OSBPL10: variants seen among roughly 807,000 people sequenced by gnomAD.
OSBPL10 encodes oxysterol binding protein like 10.
Under a neutral mutation model 81.7 loss-of-function variants are expected in OSBPL10, and 49 were observed. The observed-to-expected ratio is 0.60, with a 90% CI of 0.48 to 0.76. The LOEUF (loss-of-function observed/expected upper bound fraction) is 0.76, where lower values mean the gene tolerates loss of function less well. Among genes scored for constraint, OSBPL10 ranks in the 30% least tolerant of loss-of-function variants. OSBPL10 has a pLI of 0.00. For missense variants in OSBPL10, 923 were observed against 987.8 expected, an observed-to-expected ratio of 0.93 and a Z score of 0.88; for synonymous variants, 419 against 383.6, an observed-to-expected ratio of 1.09 and a Z score of -1.08.
chr3:31,800,021 TTAAA>T (rs1048919457), intron 4 of OSBPL10, among the ~76,000 whole-genome samples: 35 of 152,358 alleles, frequency 2.3e-4, no homozygotes, highest in Admixed American at 1.6e-3. Flanking sequence ...AAGTGCATTT[TTAAA>T]TAACCTCTGC....
chr3:31,912,593 A>T (rs1696614682), intron 1 of OSBPL10, among the ~76,000 whole-genome samples: 1 of 152,146 alleles, frequency 6.6e-6, no homozygotes, highest in Non-Finnish European at 1.5e-5. Flanking sequence ...AATCAACTTC[A>T]TCATCAACAT....
rs79539499 is a variant in OSBPL10, at chr3:31,992,237, T to C, written n.298+54254A>G. On this transcript the variant is annotated intron_variant and non_coding_transcript_variant, in intron 2 of 3. Coordinates refer to the OSBPL10 transcript ENST00000479173. ...AACAGAATAAATAATCTAGAAATAG[T>C]TTCATATGAATATAGTCACTTGATT... is the stretch of plus-strand genomic sequence containing the variant. 8.1e-3 allele frequency among the ~76,000 whole-genome samples: 1,239 copies of C among 152,198 alleles called. 48 individuals carry two copies. In the East Asian group the frequency reaches 0.15, roughly 18 times the overall value.
intron 1 of OSBPL10, among the ~76,000 whole-genome samples, chr3:31,902,909 C>T (rs1271542500): frequency 2.0e-5 from 3 of 152,096 alleles, no homozygotes; most frequent in Non-Finnish European, 4.4e-5. Flanking sequence ...GAGTCTGATT[C>T]CAAAGAGAGC....
At chr3:31,777,489 A>G (rs1319891196) in intron 4 of OSBPL10, among the ~76,000 whole-genome samples, 1 of 152,244 alleles carries the variant, frequency 6.6e-6, no homozygotes, top group Middle Eastern at 3.2e-3. Context: ...ACTGGGTTCA[A>G]GATGGCAGAC....
At chr3:31,861,806 G>C (rs1213874237) in intron 3 of OSBPL10, among the ~76,000 whole-genome samples, 1 of 152,148 alleles carries the variant, frequency 6.6e-6, no homozygotes, top group East Asian at 1.9e-4. Flanking sequence ...CATCACCTCG[G>C]GTGACTCAGT....
chr3:31,883,570 C>G (rs2125644972), intron 1 of OSBPL10, among the ~76,000 whole-genome samples: 1 of 142,766 alleles, frequency 7.0e-6, no homozygotes, highest in East Asian at 2.1e-4. Flanking sequence ...GAGTCTTGCT[C>G]TGTTAGGCAG....
At chr3:31,817,114 A>G (rs1450537703) in intron 4 of OSBPL10, among the ~76,000 whole-genome samples, 3 of 152,110 alleles carry the variant, frequency 2.0e-5, no homozygotes, top group Admixed American at 6.5e-5. Flanking sequence ...CAACTGGTCC[A>G]TGGGTGGCCA....
intron 1 of OSBPL10, among the ~76,000 whole-genome samples, chr3:31,965,820 TTATA>T (rs1698367649): frequency 1.6e-5 from 1 of 62,354 alleles, no homozygotes; most frequent in African/African-American, 1.5e-4. Flanking sequence ...ATAATATATA[TTATA>T]TAAATATATA....
intron 8 of OSBPL10, among the ~76,000 whole-genome samples, chr3:31,676,998 TAC>T (rs1395867748): frequency 6.6e-6 from 1 of 152,126 alleles, no homozygotes; most frequent in Non-Finnish European, 1.5e-5. Flanking sequence ...AGCATTTCAT[TAC>T]AGTCAAATAT....
intron 1 of OSBPL10, chr3:31,960,259 C>G (rs1380073212): frequency 6.6e-6 from 1 of 152,150 alleles, no homozygotes; most frequent in Non-Finnish European, 1.5e-5. Context: ...CATCCCTGGG[C>G]CCCTGGGTGC....
At chr3:31,830,364 A>G (rs1700210870) in intron 3 of OSBPL10, 133 bp from the exon 4 acceptor site, 3 of 888,700 alleles carry the variant, frequency 3.4e-6, no homozygotes, top group East Asian at 2.7e-5. Context: ...TGAAGGAGGT[A>G]TAACAACACT....
intron 1 of OSBPL10, among the ~76,000 whole-genome samples, chr3:31,915,219 A>G (rs540309164): frequency 6.6e-6 from 1 of 151,932 alleles, no homozygotes; most frequent in African/African-American, 2.4e-5. Flanking sequence ...AACCATTACC[A>G]TGAATAAAAT....
At chr3:31,782,736 A>C (rs1341769989) in intron 4 of OSBPL10, among the ~76,000 whole-genome samples, 1 of 152,232 alleles carries the variant, frequency 6.6e-6, no homozygotes, top group Non-Finnish European at 1.5e-5. Flanking sequence ...AATAACAATG[A>C]GATACCACCT....
chr3:31,908,033 A>G (rs1051254576), intron 1 of OSBPL10, among the ~76,000 whole-genome samples: 5 of 152,198 alleles, frequency 3.3e-5, no homozygotes, highest in African/African-American at 1.2e-4. Flanking sequence ...GACTCTGAGC[A>G]AAGACTGGAA....
chr3:31,961,050 T>A (rs1308639591), intron 1 of OSBPL10, among the ~76,000 whole-genome samples: 9 of 10,366 alleles, frequency 8.7e-4, no homozygotes, highest in Non-Finnish European at 1.3e-3. Context: ...CTACAGCCTT[T>A]TTTTTTTTTT....
At chr3:32,038,124 T>G (rs1450205230) in intron 2 of OSBPL10, among the ~76,000 whole-genome samples, 1 of 152,082 alleles carries the variant, frequency 6.6e-6, no homozygotes, top group African/African-American at 2.4e-5. Flanking sequence ...GGAAGCTACA[T>G]GAGTCCAGGG....
chr3:31,678,782 CTGTGTG>C (rs67616509), intron 8 of OSBPL10, among the ~76,000 whole-genome samples: 3,985 of 135,590 alleles, frequency 0.029, 138 homozygotes, highest in African/African-American at 0.067. Flanking sequence ...CAGATTCAAA[CTGTGTG>C]TGTGTGTGTG....
intron 1 of OSBPL10, among the ~76,000 whole-genome samples, chr3:31,896,442 T>C (rs1253011739): frequency 6.6e-6 from 1 of 152,224 alleles, no homozygotes; most frequent in Non-Finnish European, 1.5e-5. Flanking sequence ...CTTCCAACTC[T>C]GGACAATGTG....
At chr3:32,011,827 T>A (rs1277418904) in intron 2 of OSBPL10, among the ~76,000 whole-genome samples, 4 of 152,034 alleles carry the variant, frequency 2.6e-5, no homozygotes, top group African/African-American at 9.7e-5. Context: ...TTTGATCAAC[T>A]GGAAGAAAGG....
Sources: allele counts gnomAD v4.1 joint callset (sites outside exome capture counted in the v4.1 genomes callset), GRCh38; gene constraint gnomAD v4.1.1; transcripts MANE v1.5; gene names NCBI Gene and HGNC (gene_info 2026-07-23, HGNC 2026-07-21).